The following LRRTM4 variants were observed in gnomAD, a reference collection of about 807,000 sequenced individuals.
The protein encoded by LRRTM4 is leucine rich repeat transmembrane neuronal 4, also known as leucine-rich repeat transmembrane neuronal protein 4.
LRRTM4 carries 25 observed loss-of-function variants against 47.6 expected under a neutral mutation model. The ratio of observed to expected loss-of-function variants is 0.53; its 90% CI spans 0.38 to 0.73. The LOEUF is 0.73. Ranked by LOEUF, LRRTM4 falls within the 30% of genes least tolerant of loss-of-function variation. LRRTM4 has a pLI of 0.00. For synonymous variants in LRRTM4, 311 were observed against 269.5 expected, an observed-to-expected ratio of 1.15 and a Z score of -1.51; for missense variants, 638 against 713.4, an observed-to-expected ratio of 0.89 and a Z score of 1.20.
At chr2:77,290,479 G>A (rs1676791934) in intron 3 of LRRTM4, among the ~76,000 whole-genome samples, 1 of 151,862 alleles carries the variant, frequency 6.6e-6, no homozygotes, top group Non-Finnish European at 1.5e-5. Context: ...AAGACCTAAT[G>A]TTTGGTAGCA....
At chr2:77,415,980 A>G (rs1170824368) in intron 3 of LRRTM4, among the ~76,000 whole-genome samples, 1 of 152,156 alleles carries the variant, frequency 6.6e-6, no homozygotes, top group Non-Finnish European at 1.5e-5. Context: ...TGGTGACCAA[A>G]ATCCTATGTA....
At chr2:77,061,530 C>T (rs1321980687) in intron 3 of LRRTM4, among the ~76,000 whole-genome samples, 1 of 152,160 alleles carries the variant, frequency 6.6e-6, no homozygotes, top group African/African-American at 2.4e-5. Flanking sequence ...TCTTAGGGGT[C>T]ATGACAAACA....
At chr2:76,945,685 G>A (rs1204041336) in intron 3 of LRRTM4, among the ~76,000 whole-genome samples, 1 of 151,800 alleles carries the variant, frequency 6.6e-6, no homozygotes, top group African/African-American at 2.4e-5. Context: ...ACATTAACTA[G>A]TCTAAGACGA....
At chr2:76,827,290 T>C (rs1011577073) in intron 3 of LRRTM4, among the ~76,000 whole-genome samples, 1 of 151,840 alleles carries the variant, frequency 6.6e-6, no homozygotes, top group Admixed American at 6.6e-5. Context: ...AGGACCTAAT[T>C]ATTTCTGAGC....
intron 3 of LRRTM4, among the ~76,000 whole-genome samples, chr2:77,436,593 C>A (rs932594713): frequency 6.6e-6 from 1 of 151,526 alleles, no homozygotes; most frequent in Non-Finnish European, 1.5e-5. Flanking sequence ...AAATAACATG[C>A]GTTTAAACAA....
At chr2:77,183,158 T>C (rs1015587893) in intron 3 of LRRTM4, among the ~76,000 whole-genome samples, 1 of 152,056 alleles carries the variant, frequency 6.6e-6, no homozygotes, top group Non-Finnish European at 1.5e-5. Context: ...ACCTACAGAA[T>C]GGGAGAAAAT....
intron 3 of LRRTM4, among the ~76,000 whole-genome samples, chr2:77,127,239 C>A (rs911363255): frequency 2.6e-5 from 4 of 152,204 alleles, no homozygotes; most frequent in Admixed American, 1.3e-4. Context: ...GGATTTTGAG[C>A]CCAAAACAGC....
At chr2:77,054,547 A>G (rs1679541361) in intron 3 of LRRTM4, among the ~76,000 whole-genome samples, 1 of 152,230 alleles carries the variant, frequency 6.6e-6, no homozygotes, top group South Asian at 2.1e-4. Context: ...TAAATGGAGT[A>G]AACATAGCTA....
chr2:76,837,357 G>A (rs149482390), intron 3 of LRRTM4, among the ~76,000 whole-genome samples: 7 of 151,782 alleles, frequency 4.6e-5, no homozygotes, highest in Non-Finnish European at 8.8e-5. Flanking sequence ...TTTTTTGAAG[G>A]GTTTTTTTTG....
intron 3 of LRRTM4, among the ~76,000 whole-genome samples, chr2:77,176,770 T>G (rs1028983983): frequency 6.6e-6 from 1 of 152,174 alleles, no homozygotes; most frequent in African/African-American, 2.4e-5. Context: ...GCTCCTGAGA[T>G]AGGAATCTGG....
At chr2:77,004,817 C>A (rs1394101499) in intron 3 of LRRTM4, among the ~76,000 whole-genome samples, 1 of 152,158 alleles carries the variant, frequency 6.6e-6, no homozygotes, top group African/African-American at 2.4e-5. Context: ...CGTGAAAATC[C>A]ACATCTTGCA....
At chr2:77,162,540 C>G (rs1672760374) in intron 3 of LRRTM4, among the ~76,000 whole-genome samples, 1 of 152,130 alleles carries the variant, frequency 6.6e-6, no homozygotes, top group African/African-American at 2.4e-5. Context: ...GGTCCCTGAC[C>G]CTCGAGTAGC....
At chr2:76,868,022 G>A (rs1450969202) in intron 3 of LRRTM4, among the ~76,000 whole-genome samples, 2 of 152,134 alleles carry the variant, frequency 1.3e-5, no homozygotes, top group Non-Finnish European at 2.9e-5. Context: ...GCCCTATTGA[G>A]TCAAGTCAGC....
In LRRTM4 at chr2:77,089,790, A is replaced by G. The variant is rs536432112; in HGVS notation, c.1552-340874T>C. Among the ~76,000 whole-genome samples the G allele has an allele frequency of 2.6e-5, 4 of 152,250 alleles. No homozygotes were observed. The East Asian group carries it at 7.7e-4, about 29-fold the overall frequency. On this transcript the variant is annotated intron_variant, in intron 3 of 3. Transcript: ENST00000409884. The stretch of plus-strand genomic sequence containing the variant: ...AATACAAACTCGACAGTAGTTCCAA[A>G]TAGCCAGAAAATGGCACTTTGAATT...
rs532679114 is a variant in LRRTM4, at chr2:77,070,828, A to G, written c.1552-321912T>C. Among the ~76,000 whole-genome samples, 269 of 152,190 alleles carry G rather than the reference A, an allele frequency of 1.8e-3. 2 individuals carry two copies. The highest frequency in any genetic ancestry group is 0.01 in the Middle Eastern group (3 of 294). ...GTATTATTAGTAGAGACGGGGTTTC[A>G]CCATGTTGGCCAGGCTGGTCTCGAA... On this transcript the variant is annotated intron_variant, in intron 3 of 3. Transcript: ENST00000409884.
chr2:76,847,249 A>T (rs1671862667), intron 3 of LRRTM4, among the ~76,000 whole-genome samples: 1 of 152,206 alleles, frequency 6.6e-6, no homozygotes, highest in Admixed American at 6.5e-5. Flanking sequence ...CTCCTAACAC[A>T]CACAGGTTAG....
chr2:77,303,233 C>A (rs1677179459), intron 3 of LRRTM4, among the ~76,000 whole-genome samples: 1 of 151,908 alleles, frequency 6.6e-6, no homozygotes, highest in South Asian at 2.1e-4. Flanking sequence ...TGCACTCCAG[C>A]CTGGGCAACA....
At chr2:76,863,920 T>C (rs1454943549) in intron 3 of LRRTM4, among the ~76,000 whole-genome samples, 1 of 152,168 alleles carries the variant, frequency 6.6e-6, no homozygotes, top group African/African-American at 2.4e-5. Context: ...TAAGAATAAA[T>C]GTTAATCTTA....
intron 3 of LRRTM4, among the ~76,000 whole-genome samples, chr2:76,799,139 AC>A (rs1675521600): frequency 7.0e-6 from 1 of 143,702 alleles, no homozygotes; most frequent in East Asian, 2.1e-4. Flanking sequence ...CCTGGCAGAG[AC>A]ACAACCAAAA....
Sources: gnomAD v4.1 joint callset for allele counts (sites outside exome capture counted in the v4.1 genomes callset) on GRCh38, gnomAD v4.1.1 for gene constraint, MANE v1.5 for transcripts, NCBI Gene and HGNC (gene_info 2026-07-23, HGNC 2026-07-21) for gene names.